The following DNAH11 variants were observed in gnomAD, a reference collection of about 807,000 sequenced individuals.
DNAH11 encodes dynein axonemal heavy chain 11, also known as axonemal beta dynein heavy chain 11.
In DNAH11, 442 loss-of-function variants were observed where a neutral mutation model predicts 526.0. The ratio of observed to expected loss-of-function variants is 0.84; its 90% CI spans 0.78 to 0.91. DNAH11 has a LOEUF of 0.91. DNAH11 is among the 40% of genes least tolerant of loss of function. The pLI, the probability that DNAH11 is intolerant of heterozygous loss-of-function variation, is 0.00. For missense variants in DNAH11, 6,989 were observed against 5,448.7 expected (o/e 1.28, Z -8.90); for synonymous variants, 2,461 against 1,935.9 (o/e 1.27, Z -7.12).
intron 30 of DNAH11, among the ~76,000 whole-genome samples, chr7:21,667,395 T>C (rs941579722): frequency 6.6e-6 from 1 of 152,114 alleles, no homozygotes; most frequent in Non-Finnish European, 1.5e-5. Flanking sequence ...CGCATCTCTA[T>C]TGTAGTGGTT....
In DNAH11 at chr7:21,591,447, G is replaced by C. The variant is rs750190938; in HGVS notation, c.2537G>C (p.Arg846Thr). 7.4e-6 allele frequency: 12 copies of C among 1,613,846 alleles called. No homozygotes were observed. Among genetic ancestry groups the C allele is most frequent in the South Asian group, 1.1e-5 (1 of 91,082 alleles). ...VIQQTMRGWA[R>T]CVLPPRREHR... is the part of the protein sequence containing the mutation. Reference sequence around the variant, plus strand: ...CAGCAGACCATGAGGGGCTGGGCCAGGTGCGTGCTACCTCCCAGGAGAGAG... The same window carrying C: ...CAGCAGACCATGAGGGGCTGGGCCACGTGCGTGCTACCTCCCAGGAGAGAG... The change falls in exon 14 of 82, where the codon AGG becomes ACG. Residue 846 changes from arginine (R) to threonine (T), a missense_variant. Arg to Thr is a moderately conservative substitution (Grantham distance 71). Transcript: ENST00000409508.
At chr7:21,583,470 C>CATA (rs1224759345) in intron 9 of DNAH11, among the ~76,000 whole-genome samples, 1 of 152,090 alleles carries the variant, frequency 6.6e-6, no homozygotes, top group African/African-American at 2.4e-5. Flanking sequence ...GACCTAAAAC[C>CATA]ATAATACCCC....
rs551650016 is a variant in DNAH11, at chr7:21,727,252, A to C, written c.7440+1268A>C. Among the ~76,000 whole-genome samples, 41 of 152,234 alleles carry C rather than the reference A, an allele frequency of 2.7e-4. 1 individual carries two copies. The highest frequency in any genetic ancestry group is 1.0e-3 in the South Asian group (5 of 4,826). ...CTGGCCTCTGCATCCTCTTTTTAAAAAATATAACAACTTAATTCTGTAATA... is the reference window on the plus strand; with the variant it reads ...CTGGCCTCTGCATCCTCTTTTTAAACAATATAACAACTTAATTCTGTAATA... On this transcript the variant is annotated intron_variant, in intron 45 of 81. Transcript: ENST00000409508.
At chr7:21,630,777 G>T (rs1786566819) in intron 25 of DNAH11, among the ~76,000 whole-genome samples, 1 of 152,150 alleles carries the variant, frequency 6.6e-6, no homozygotes, top group South Asian at 2.1e-4. Context: ...TTGAGAATTT[G>T]ATTATTTTAT....
At chr7:21,871,952 C>A (rs1324201112) in intron 73 of DNAH11, among the ~76,000 whole-genome samples, 2 of 151,392 alleles carry the variant, frequency 1.3e-5, no homozygotes, top group African/African-American at 4.9e-5. Flanking sequence ...GAAACCCCGT[C>A]TCTACTAAAA....
chr7:21,818,275 C>T lies in DNAH11; in HGVS notation c.10627C>T (p.Leu3543Phe), dbSNP rs370350252. The T allele has an allele frequency of 1.0e-4, 168 of 1,611,974 alleles. No individual in the cohort carries two copies. The highest frequency in any genetic ancestry group is 1.3e-4 in the Non-Finnish European group (156 of 1,179,012). ...TGGTGATGTCATCTTAATTGAAAAT[C>T]TCGAGGAAACGATAGATCCAGTCCT... ...AFGDVILIEN[L>F]EETIDPVLDP... The change falls in exon 65 of 82, where the codon CTC becomes TTC. Residue 3543 changes from leucine (L) to phenylalanine (F), a missense_variant. By Grantham distance (22) the Leu-to-Phe change is conservative (BLOSUM62 0). Transcript: ENST00000409508.
intron 61 of DNAH11, among the ~76,000 whole-genome samples, chr7:21,795,738 T>G (rs1188768869): frequency 6.6e-6 from 1 of 152,232 alleles, no homozygotes; most frequent in Non-Finnish European, 1.5e-5. Context: ...CTGAAAAATC[T>G]TACAGATTTA....
rs745402723 is a variant in DNAH11, at chr7:21,852,573, C to T, written c.11003C>T (p.Thr3668Ile). The T allele has an allele frequency of 3.7e-6, 6 of 1,611,628 alleles. No individual in the cohort carries two copies. Among genetic ancestry groups the T allele is most frequent in the Non-Finnish European group, 4.2e-6 (5 of 1,179,296 alleles). Residue 3668 changes from threonine (T) to isoleucine (I), a missense_variant, in exon 67 of 82, where the codon ACC becomes ATC. Physicochemically the swap from Thr to Ile is moderately conservative, Grantham distance 89. Transcript: ENST00000409508. ...SAAEGSFLDDTKLVERLEATK... is the reference protein window; with the variant it reads ...SAAEGSFLDDIKLVERLEATK... ...GCAGAGGGAAGCTTTCTGGATGACA[C>T]CAAACTGGTAGAGAGATTGGAGGCA...
At chr7:21,648,073 A>G (rs1478623265) in intron 28 of DNAH11, among the ~76,000 whole-genome samples, 1 of 152,218 alleles carries the variant, frequency 6.6e-6, no homozygotes, top group African/African-American at 2.4e-5. Context: ...TTGAAATAAT[A>G]TATATGTAAG....
intron 25 of DNAH11, among the ~76,000 whole-genome samples, chr7:21,627,816 G>A (rs754400420): frequency 3.3e-5 from 5 of 152,110 alleles, no homozygotes; most frequent in Non-Finnish European, 7.4e-5. Context: ...GTGGAAAAAA[G>A]TCATTGGTAT....
At chr7:21,638,649 A>G (rs1786975603) in intron 27 of DNAH11, among the ~76,000 whole-genome samples, 1 of 151,680 alleles carries the variant, frequency 6.6e-6, no homozygotes, top group South Asian at 2.1e-4. Context: ...GCAATGAATA[A>G]TGTAAACCTA....
chr7:21,631,292 C>T (rs749338254), intron 25 of DNAH11, among the ~76,000 whole-genome samples: 3 of 152,164 alleles, frequency 2.0e-5, no homozygotes, highest in East Asian at 3.9e-4. Flanking sequence ...GATAGGGAGA[C>T]AGCCAAACCA....
At chr7:21,606,252 G>A (rs1785275075) in intron 18 of DNAH11, among the ~76,000 whole-genome samples, 174 bp from the exon 19 acceptor site, 1 of 152,056 alleles carries the variant, frequency 6.6e-6, no homozygotes, top group South Asian at 2.1e-4. Context: ...GAGCCTTGGA[G>A]GTGAAGGTTT....
At chr7:21,662,120 A>G (rs376078356) in intron 30 of DNAH11, among the ~76,000 whole-genome samples, 14 of 152,220 alleles carry the variant, frequency 9.2e-5, no homozygotes, top group East Asian at 1.9e-4. Context: ...GTGCCTGGCC[A>G]AATGCTATTT....
intron 28 of DNAH11, among the ~76,000 whole-genome samples, chr7:21,641,686 T>A (rs546203612): frequency 2.0e-5 from 3 of 152,236 alleles, no homozygotes; most frequent in Non-Finnish European, 4.4e-5. Flanking sequence ...ATTTCAGTGA[T>A]GTGCTTTTTA....
At chr7:21,691,257 G>A (rs1783611068) in intron 35 of DNAH11, among the ~76,000 whole-genome samples, 1 of 151,016 alleles carries the variant, frequency 6.6e-6, no homozygotes, top group Non-Finnish European at 1.5e-5. Context: ...CAAAGCCAAG[G>A]CGCTGGTGCT....
chr7:21,702,611 A>G (rs1784111504), intron 36 of DNAH11, 99 bp from the exon 37 acceptor site: 1 of 908,286 alleles, frequency 1.1e-6, no homozygotes, highest in Non-Finnish European at 1.8e-6. Flanking sequence ...GTGTGTATTT[A>G]TCTGAACTCC....
intron 54 of DNAH11, among the ~76,000 whole-genome samples, chr7:21,758,326 A>G (rs1004123888): frequency 6.6e-6 from 1 of 152,246 alleles, no homozygotes; most frequent in South Asian, 2.1e-4. Flanking sequence ...CCTCTTTGAG[A>G]TTAGATAAAA....
chr7:21,692,347 T>C (rs1044107750), intron 35 of DNAH11, among the ~76,000 whole-genome samples: 1 of 152,202 alleles, frequency 6.6e-6, no homozygotes, highest in Non-Finnish European at 1.5e-5. Flanking sequence ...GAAGTGAGCC[T>C]CCCATACCAA....
Sources: allele counts gnomAD v4.1 joint callset (sites outside exome capture counted in the v4.1 genomes callset), GRCh38; gene constraint gnomAD v4.1.1; transcripts MANE v1.5; gene names NCBI Gene and HGNC (gene_info 2026-07-23, HGNC 2026-07-21).